PLD1: variants seen among roughly 807,000 people sequenced by gnomAD.
PLD1 encodes the protein phospholipase D1, also known as choline phosphatase 1.
Under a neutral mutation model 137.1 loss-of-function variants are expected in PLD1, and 112 were observed. That is an observed-to-expected ratio of 0.82 (90% confidence interval 0.70 to 0.96). PLD1 has a LOEUF of 0.96. Ranked by LOEUF, PLD1 falls within the 40% of genes least tolerant of loss-of-function variation. The probability of loss-of-function intolerance (pLI) is 0.00; values close to 1 mark genes in which losing one functional copy is unlikely to be tolerated. For missense variants in PLD1, 1,321 were observed against 1,342.0 expected (o/e 0.98, Z 0.24); for synonymous variants, 431 against 454.7 (o/e 0.95, Z 0.66).
chr3:171,771,002 A>T (rs1216969353), intron 1 of PLD1, among the ~76,000 whole-genome samples: 1 of 151,928 alleles, frequency 6.6e-6, no homozygotes, highest in African/African-American at 2.4e-5. Flanking sequence ...CTTGGCTTCC[A>T]GTTGTATTTA....
intron 6 of PLD1, among the ~76,000 whole-genome samples, chr3:171,733,227 C>T (rs1016034433): frequency 6.6e-6 from 1 of 152,200 alleles, no homozygotes; most frequent in African/African-American, 2.4e-5. Flanking sequence ...TTGTTATAGA[C>T]ATATTAAGTT....
At chr3:171,793,511 T>A (rs1025741113) in intron 1 of PLD1, 1 of 152,238 alleles carries the variant, frequency 6.6e-6, no homozygotes, top group South Asian at 2.1e-4. Context: ...TGTGGTTTCA[T>A]GTAACTAAAA....
chr3:171,807,284 G>A (rs1723889139), intron 1 of PLD1, among the ~76,000 whole-genome samples: 1 of 145,932 alleles, frequency 6.9e-6, no homozygotes, highest in Non-Finnish European at 1.5e-5. Flanking sequence ...AACAGAGTGA[G>A]ACCCTGTCTC....
chr3:171,677,407 C>T (rs1713492791), intron 17 of PLD1, among the ~76,000 whole-genome samples, 159 bp downstream of exon 17: 1 of 152,138 alleles, frequency 6.6e-6, no homozygotes, highest in African/African-American at 2.4e-5. Flanking sequence ...TCCTTAAGCA[C>T]ATGCTAATGA....
chr3:171,656,056 T>A (rs1350460737), intron 21 of PLD1, among the ~76,000 whole-genome samples: 2 of 152,178 alleles, frequency 1.3e-5, no homozygotes, highest in Non-Finnish European at 2.9e-5. Flanking sequence ...ATTTTTAAAG[T>A]CACAGATCCC....
chr3:171,748,499 T>G (rs959048497), intron 1 of PLD1, among the ~76,000 whole-genome samples: 1 of 151,858 alleles, frequency 6.6e-6, no homozygotes, highest in Non-Finnish European at 1.5e-5. Flanking sequence ...GTACAGAGAG[T>G]GTTTTCAATG....
chr3:171,671,087 C>T (rs539962753), intron 19 of PLD1, among the ~76,000 whole-genome samples: 6 of 152,300 alleles, frequency 3.9e-5, no homozygotes, highest in African/African-American at 1.4e-4. Context: ...GGGGTAATGG[C>T]ATGCTGAGGC....
chr3:171,617,723 AG>A (rs1423514788), intron 24 of PLD1, among the ~76,000 whole-genome samples: 1 of 152,170 alleles, frequency 6.6e-6, no homozygotes, highest in Non-Finnish European at 1.5e-5. Flanking sequence ...AGGCAATTAA[AG>A]CTATGCACAA....
chr3:171,688,940 T>C, intron 13 of PLD1, 64 bp from the exon 14 acceptor site: 1 of 1,213,584 alleles, frequency 8.2e-7, no homozygotes, highest in Non-Finnish European at 1.2e-6. Flanking sequence ...CATAATGAAA[T>C]AGGTCTGTGT....
intron 24 of PLD1, among the ~76,000 whole-genome samples, chr3:171,617,304 C>T (rs986911734): frequency 6.6e-6 from 1 of 152,212 alleles, no homozygotes; most frequent in Non-Finnish European, 1.5e-5. Flanking sequence ...GTGAAGCCTG[C>T]TCTTTAAATC....
At chr3:171,714,342 C>T (rs1689884522) in intron 8 of PLD1, among the ~76,000 whole-genome samples, 1 of 152,180 alleles carries the variant, frequency 6.6e-6, no homozygotes, top group African/African-American at 2.4e-5. Context: ...AGGTAGCACT[C>T]ACAGGATGTA....
intron 1 of PLD1, chr3:171,809,723 G>C (rs1724033775): frequency 6.6e-6 from 1 of 152,322 alleles, no homozygotes; most frequent in African/African-American, 2.4e-5. Flanking sequence ...AAATCCTATG[G>C]AAGGCTTGGA....
At chr3:171,712,196 A>G (rs1368286551) in intron 9 of PLD1, among the ~76,000 whole-genome samples, 2 of 152,188 alleles carry the variant, frequency 1.3e-5, no homozygotes, top group Non-Finnish European at 2.9e-5. Context: ...TCATGAAGAC[A>G]GGGAGAGGCT....
intron 8 of PLD1, among the ~76,000 whole-genome samples, chr3:171,714,926 T>C (rs565459180): frequency 6.6e-6 from 1 of 152,318 alleles, no homozygotes; most frequent in South Asian, 2.1e-4. Context: ...ATTACAGAGA[T>C]GACACACTCA....
Position 171,709,568 on chromosome 3 carries a change from TA to T in PLD1, c.1052del (p.Leu351Ter). The T allele has an allele frequency of 6.2e-7, 1 of 1,613,878 alleles. No homozygotes were observed. The highest frequency in any genetic ancestry group is 1.1e-5 in the South Asian group (1 of 91,018). The stretch of plus-strand genomic sequence containing the variant: ...GAGAAATAATAACTTACCATTTAGC[TA>T]AAGCATTCTCTTGGATAGCAGCATA... ...GSYAAIQENA[L>X]AKWYVNAKGY... On this transcript the variant is annotated frameshift_variant, in exon 10 of 27. Transcript: ENST00000351298. LOFTEE classifies it high-confidence loss of function.
At chr3:171,663,449 T>C (rs1049335337) in intron 19 of PLD1, among the ~76,000 whole-genome samples, 1 of 152,198 alleles carries the variant, frequency 6.6e-6, no homozygotes, top group African/African-American at 2.4e-5. Flanking sequence ...TATAGGGTCA[T>C]AGAGAGGATT....
rs555883782 is a variant in PLD1 at position 171,800,850 on chromosome 3, T to C, written c.-32+9549A>G. ...CTTAGTGAAGAGAGTCAGAGGTCCC[T>C]CTCTGGCCTCTTTTATAAAGGCACT... is the stretch of plus-strand genomic sequence containing the variant. On this transcript the variant is annotated intron_variant, in intron 1 of 26. Transcript: ENST00000351298. 2.6e-5 allele frequency among the ~76,000 whole-genome samples: 4 copies of C among 152,292 alleles called. No homozygotes were observed. In the South Asian group the frequency reaches 8.3e-4, roughly 32 times the overall value.
chr3:171,799,030 C>T (rs965576569), intron 1 of PLD1, among the ~76,000 whole-genome samples: 6 of 152,086 alleles, frequency 3.9e-5, no homozygotes, highest in Non-Finnish European at 7.4e-5. Context: ...ATTGTCTGCC[C>T]ACAACTTTCA....
At chr3:171,674,636 A>C (rs774078878) in intron 18 of PLD1, 23 bp from the exon 19 acceptor site, 1 of 1,260,106 alleles carries the variant, frequency 7.9e-7, no homozygotes, top group Non-Finnish European at 1.2e-6. Context: ...AAAAGGATAA[A>C]ATATTCAAAT....
Sources: allele counts gnomAD v4.1 joint callset (sites outside exome capture counted in the v4.1 genomes callset), GRCh38; gene constraint gnomAD v4.1.1; transcripts MANE v1.5; gene names NCBI Gene and HGNC (gene_info 2026-07-23, HGNC 2026-07-21).